The following PCSK5 variants were observed in gnomAD, a reference collection of about 807,000 sequenced individuals.
PCSK5 encodes the protein prohormone convertase 5.
PCSK5 carries 129 observed loss-of-function variants against 233.2 expected under a neutral mutation model. The observed-to-expected ratio is 0.55, with a 90% CI of 0.48 to 0.64. The LOEUF (loss-of-function observed/expected upper bound fraction) is 0.64. PCSK5 is among the 30% of genes least tolerant of loss of function. The pLI is 0.00. For missense variants in PCSK5, 2,076 were observed against 2,430.1 expected, an observed-to-expected ratio of 0.85 and a Z score of 3.06; for synonymous variants, 825 against 879.2, an observed-to-expected ratio of 0.94 and a Z score of 1.09.
chr9:76,240,285 C>T (rs1826389317), intron 23 of PCSK5, among the ~76,000 whole-genome samples: 1 of 152,148 alleles, frequency 6.6e-6, no homozygotes. Context: ...AGAAAAAGAA[C>T]CTGTTCATTT....
intron 2 of PCSK5, among the ~76,000 whole-genome samples, chr9:75,953,563 T>C (rs574774355): frequency 6.6e-6 from 1 of 152,268 alleles, no homozygotes; most frequent in South Asian, 2.1e-4. Flanking sequence ...GAAGGAAACA[T>C]GCTTGTTTCT....
intron 25 of PCSK5, among the ~76,000 whole-genome samples, chr9:76,294,194 C>CAAAAA (rs11415964): frequency 1.0e-5 from 1 of 99,852 alleles, no homozygotes. Context: ...GATTTAGTCT[C>CAAAAA]AAAAAAAAAA....
intron 36 of PCSK5, among the ~76,000 whole-genome samples, chr9:76,351,495 A>AAG (rs1830139794): frequency 5.1e-5 from 3 of 58,366 alleles, no homozygotes; most frequent in African/African-American, 1.1e-4. Flanking sequence ...AAAGAAAGAA[A>AAG]GAAAGAAAGA....
chr9:76,021,142 C>A (rs2131478876), intron 3 of PCSK5, among the ~76,000 whole-genome samples: 1 of 152,196 alleles, frequency 6.6e-6, no homozygotes, highest in East Asian at 1.9e-4. Context: ...TGAGAATATG[C>A]CCCCATTTTT....
chr9:76,269,267 G>A (rs1827431706), intron 24 of PCSK5, among the ~76,000 whole-genome samples: 1 of 152,146 alleles, frequency 6.6e-6, no homozygotes, highest in African/African-American at 2.4e-5. Context: ...CTAGACTCCT[G>A]GCACTCTCAA....
chr9:76,162,354 C>G (rs930056214), intron 12 of PCSK5, among the ~76,000 whole-genome samples: 3 of 152,202 alleles, frequency 2.0e-5, no homozygotes, highest in African/African-American at 7.2e-5. Flanking sequence ...CTCAAAACCT[C>G]TCAGTCTCTG....
chr9:75,921,524 A>G (rs574064741), intron 1 of PCSK5, among the ~76,000 whole-genome samples: 48 of 151,916 alleles, frequency 3.2e-4, no homozygotes, highest in Non-Finnish European at 6.8e-4. Context: ...ATTTTCAGAC[A>G]TGTGTTCTTT....
chr9:75,897,889 C>T (rs1825878129), intron 1 of PCSK5, among the ~76,000 whole-genome samples: 1 of 151,894 alleles, frequency 6.6e-6, no homozygotes, highest in Non-Finnish European at 1.5e-5. Flanking sequence ...CATAATAGGC[C>T]CATGAGGAAT....
At chr9:76,328,413 G>A (rs569395470) in intron 33 of PCSK5, among the ~76,000 whole-genome samples, 174 bp downstream of exon 33, 17 of 152,288 alleles carry the variant, frequency 1.1e-4, no homozygotes, top group African/African-American at 3.8e-4. Flanking sequence ...AAAGAACAGC[G>A]CACGGATGTG....
rs878866714 is a variant in PCSK5 at position 76,067,865 on chromosome 9, T to G, written c.633-90T>G. The G allele has an allele frequency of 4.0e-5, 41 of 1,018,244 alleles. No homozygotes were observed. The South Asian group carries it at 5.5e-4, about 14-fold the overall frequency. 63.1% of individuals were successfully genotyped at this position (1,018,244 alleles called of 1,614,324 possible). A position where few individuals can be genotyped will look rare whatever the true frequency, so the allele number is the denominator to read the frequency against. ...TCCAGAAACACCACAGCTGGGTACA[T>G]TCTTCACCACTCTGAGTGGTGGCAG... On this transcript the variant is annotated intron_variant, in intron 5 of 37. Coordinates refer to ENST00000674117, the MANE Select transcript of PCSK5 (RefSeq NM_001372043.1).
At chr9:75,968,183 C>A (rs114629186) in intron 2 of PCSK5, among the ~76,000 whole-genome samples, 3,194 of 152,226 alleles carry the variant, frequency 0.021, 72 homozygotes, top group African/African-American at 0.041. Flanking sequence ...GTGCCTGGCA[C>A]CTGATTGTGC....
At position 75,938,894 on chromosome 9, in the gene PCSK5, G is replaced by T. The variant is rs1408610486; in HGVS notation, c.297+6411G>T. 1.3e-5 allele frequency among the ~76,000 whole-genome samples: 2 copies of T among 152,232 alleles called. 1 individual carries two copies. The highest frequency in any genetic ancestry group is 4.2e-4 in the South Asian group (2 of 4,814). On this transcript the variant is annotated intron_variant, in intron 2 of 37. Transcript: ENST00000674117. ...TTGTGGGTTTGGACCATGTGAAATG[G>T]CTTCGTGGAAAATTGATGATGCAAC...
At chr9:76,116,444 G>T (rs375131273) in intron 9 of PCSK5, among the ~76,000 whole-genome samples, 1 of 152,204 alleles carries the variant, frequency 6.6e-6, no homozygotes, top group South Asian at 2.1e-4. Flanking sequence ...AACGCAATAA[G>T]TCTGTGACAC....
At chr9:76,210,937 G>A (rs976768763) in intron 20 of PCSK5, among the ~76,000 whole-genome samples, 6 of 152,164 alleles carry the variant, frequency 3.9e-5, no homozygotes, top group African/African-American at 9.7e-5. Context: ...ACTCCCTGGC[G>A]CAGGCTCCCC....
intron 3 of PCSK5, among the ~76,000 whole-genome samples, chr9:76,021,254 A>T (rs1828173013): frequency 1.3e-5 from 2 of 152,154 alleles, no homozygotes; most frequent in Admixed American, 1.3e-4. Context: ...CACACCCAAG[A>T]TTCAACAGTC....
chr9:76,127,727 C>T (rs1822567558), intron 9 of PCSK5, among the ~76,000 whole-genome samples: 1 of 152,176 alleles, frequency 6.6e-6, no homozygotes, highest in Non-Finnish European at 1.5e-5. Context: ...TATAATGGTA[C>T]AGTAGGTTCC....
chr9:76,286,048 C>G (rs1374508673), intron 24 of PCSK5, among the ~76,000 whole-genome samples: 2 of 152,140 alleles, frequency 1.3e-5, no homozygotes, highest in Non-Finnish European at 2.9e-5. Context: ...TACACCACTA[C>G]AAAAATTAGT....
At chr9:76,208,543 T>C (rs1000397818) in intron 20 of PCSK5, among the ~76,000 whole-genome samples, 1 of 152,230 alleles carries the variant, frequency 6.6e-6, no homozygotes, top group African/African-American at 2.4e-5. Context: ...TGAGACCTTT[T>C]ATGATTTATA....
intron 2 of PCSK5, among the ~76,000 whole-genome samples, chr9:75,977,772 G>A (rs762628973): frequency 1.3e-5 from 2 of 151,450 alleles, no homozygotes; most frequent in African/African-American, 2.4e-5. Context: ...CACCACGCAC[G>A]GCTAATTTTT....
Sources: allele counts gnomAD v4.1 joint callset (sites outside exome capture counted in the v4.1 genomes callset), GRCh38; gene constraint gnomAD v4.1.1; transcripts MANE v1.5; gene names NCBI Gene and HGNC (gene_info 2026-07-23, HGNC 2026-07-21).